Variants in NHLRC2 observed in about 807,000 individuals in gnomAD.
NHLRC2 encodes NHL repeat-containing protein 2.
A neutral mutation model predicts 68.1 loss-of-function variants in NHLRC2; 33 were observed. The observed-to-expected ratio is 0.48, with a 90% confidence interval of 0.37 to 0.65. The LOEUF is 0.65. NHLRC2 is among the 30% of genes least tolerant of loss of function. The probability of loss-of-function intolerance (pLI) is 0.00; values close to 1 mark genes in which losing one functional copy is unlikely to be tolerated. For synonymous variants in NHLRC2, 311 were observed against 309.6 expected (o/e 1.00, Z -0.05); for missense variants, 761 against 853.8 (o/e 0.89, Z 1.35).
At chr10:113,872,489 C>T (rs1845936567) in intron 2 of NHLRC2, among the ~76,000 whole-genome samples, 1 of 151,764 alleles carries the variant, frequency 6.6e-6, no homozygotes, top group Admixed American at 6.6e-5. Context: ...ATTGACAAAA[C>T]TGTAACACCT....
In NHLRC2 at chr10:113,854,995, T is replaced by A; in HGVS notation, c.123T>A (p.Tyr41Ter). 6.4e-7 allele frequency: 1 copy of A among 1,553,406 alleles called. No individual in the cohort carries two copies. Among genetic ancestry groups the A allele is most frequent in the Non-Finnish European group, 8.7e-7 (1 of 1,147,868 alleles). The change falls in exon 1 of 11, where the codon TAT (tyrosine) becomes TAA (stop). Residue 41 changes from tyrosine (Y) to a stop codon, truncating the protein, a stop_gained. Transcript: ENST00000369301. LOFTEE classifies it high-confidence loss of function. The part of the protein sequence containing the change: ...QQEKDSLVYQ[Y>*]LQKVDGWEQD... ...AGAAGGACAGCCTGGTCTACCAGTA[T>A]CTGCAGAAGGTGGACGGCTGGGAGC...
chr10:113,893,157 C>G (rs1189499894), intron 5 of NHLRC2, among the ~76,000 whole-genome samples: 1 of 152,116 alleles, frequency 6.6e-6, no homozygotes, highest in Non-Finnish European at 1.5e-5. Context: ...CCTCACTATG[C>G]ATCCCGGAGT....
rs758488530 is a variant in NHLRC2, at chr10:113,917,012, T to C, written c.*8476T>C. 1.2e-4 allele frequency: 18 copies of C among 152,322 alleles called. No homozygotes were observed. The highest frequency in any genetic ancestry group is 2.6e-4 in the Admixed American group (4 of 15,298). The allele number at this position is 152,322 out of a possible 1,614,324, so 9.4% of individuals were successfully genotyped here. ...CTTTTCAGTGACTTTTTCAAGTGCA[T>C]GTGTTAACAGAAGATTGTTTGGAAC... On this transcript the variant is annotated 3_prime_UTR_variant, in exon 11 of 11. Transcript: ENST00000369301.
rs1368483301 is a variant in NHLRC2 at position 113,854,920 on chromosome 10, C to T, written c.48C>T (p.Pro16=). 5 of 1,553,552 alleles carry T rather than the reference C, an allele frequency of 3.2e-6. No homozygotes were observed. The highest frequency in any genetic ancestry group is 1.4e-5 in the African/African-American group (1 of 73,158). Residue 16 remains proline, a synonymous_variant, in exon 1 of 11, where the codon CCC becomes CCT. Transcript: ENST00000369301. ...GRGRSLSGLL[P]AQTSLEYALL... ...GCCGCAGCCTCTCCGGCCTGCTCCC[C>T]GCGCAGACCTCGCTAGAGTACGCCC...
At chr10:113,880,622 CTT>C (rs1156509968) in intron 4 of NHLRC2, among the ~76,000 whole-genome samples, 10 of 151,786 alleles carry the variant, frequency 6.6e-5, no homozygotes, top group South Asian at 4.1e-4. Flanking sequence ...AATATTTTCA[CTT>C]ATATACACAT....
Position 113,914,292 on chromosome 10 carries a change from G to T in NHLRC2, c.*5756G>T, listed in dbSNP as rs1236127804. The T allele has an allele frequency of 1.3e-5, 2 of 152,200 alleles. No individual in the cohort carries two copies. The highest frequency in any genetic ancestry group is 4.8e-5 in the African/African-American group (2 of 41,378). The allele number at this position is 152,200 out of a possible 1,614,324, so 9.4% of individuals were successfully genotyped here. On this transcript the variant is annotated 3_prime_UTR_variant, in exon 11 of 11. Coordinates refer to ENST00000369301, the MANE Select transcript of NHLRC2 (RefSeq NM_198514.4). ...AGCAATTCTCCTGCCTCAGCCTCCT[G>T]AGTAGCTGGGATTACAGGCGTCTGC... is the stretch of plus-strand genomic sequence containing the variant.
rs541529899 is a variant in NHLRC2, at chr10:113,906,607, A to T, written c.1924+1571A>T. 2.0e-5 allele frequency among the ~76,000 whole-genome samples: 3 copies of T among 151,902 alleles called. No individual in the cohort carries two copies. In the East Asian group the frequency reaches 5.8e-4, roughly 29 times the overall value. On this transcript the variant is annotated intron_variant, in intron 10 of 10. Transcript: ENST00000369301. ...TTCACAAATTGTGTGTGTGATATAT[A>T]TGACAAATATCTAAAGAAACATTTT...
At chr10:113,898,892 C>T (rs887712053) in intron 6 of NHLRC2, among the ~76,000 whole-genome samples, 2 of 152,144 alleles carry the variant, frequency 1.3e-5, no homozygotes, top group Non-Finnish European at 2.9e-5. Flanking sequence ...ATGTGGAGAG[C>T]TTGGCATAGT....
At chr10:113,871,558 A>G (rs1002986886) in intron 2 of NHLRC2, among the ~76,000 whole-genome samples, 1 of 152,082 alleles carries the variant, frequency 6.6e-6, no homozygotes, top group African/African-American at 2.4e-5. Flanking sequence ...CTGTTTTTAT[A>G]CTACTGGAAA....
Position 113,873,215 on chromosome 10 carries a change from A to G in NHLRC2, c.332-3306A>G, listed in dbSNP as rs561824310. 7.9e-5 allele frequency among the ~76,000 whole-genome samples: 12 copies of G among 152,250 alleles called. No homozygotes were observed. The East Asian group carries it at 2.3e-3, about 29-fold the overall frequency. On this transcript the variant is annotated intron_variant, in intron 2 of 10. Coordinates refer to ENST00000369301, the MANE Select transcript of NHLRC2 (RefSeq NM_198514.4). ...AAGAATCAATCAAGGTTAAAGAAAAACAGTTTGAATGTCCCAAAACTCAGA... is the reference window on the plus strand; with the variant it reads ...AAGAATCAATCAAGGTTAAAGAAAAGCAGTTTGAATGTCCCAAAACTCAGA...
At chr10:113,892,184 C>T (rs563328338) in intron 5 of NHLRC2, among the ~76,000 whole-genome samples, 1 of 152,084 alleles carries the variant, frequency 6.6e-6, no homozygotes, top group Admixed American at 6.6e-5. Context: ...CTTAAAATGA[C>T]AGAATTTTTT....
chr10:113,885,632 A>G (rs1846074673), intron 5 of NHLRC2, among the ~76,000 whole-genome samples: 3 of 152,012 alleles, frequency 2.0e-5, no homozygotes, highest in East Asian at 1.9e-4. Context: ...GAGTTGTTCT[A>G]TAGTGCAAGT....
In NHLRC2 at chr10:113,911,286, A is replaced by G. The variant is rs1349073794; in HGVS notation, c.*2750A>G. On this transcript the variant is annotated 3_prime_UTR_variant, in exon 11 of 11. Transcript: ENST00000369301. ...ATTTCTTGATATGATTCTTGTAAAG[A>G]GTTTAGCTTATCTTGAACATTCTGT... 6.6e-6 allele frequency: 1 copy of G among 152,142 alleles called. No homozygotes were observed. Among genetic ancestry groups the G allele is most frequent in the Non-Finnish European group, 1.5e-5 (1 of 67,992 alleles). The allele number at this position is 152,142 out of a possible 1,614,324, so 9.4% of individuals were successfully genotyped here.
At chr10:113,882,115 A>C (rs193066539) in intron 4 of NHLRC2, among the ~76,000 whole-genome samples, 1 of 151,798 alleles carries the variant, frequency 6.6e-6, no homozygotes, top group East Asian at 1.9e-4. Context: ...TGTTTTGGCT[A>C]TTTTGTATAT....
intron 6 of NHLRC2, 45 bp from the exon 7 acceptor site, chr10:113,901,621 C>G (rs770773455): frequency 8.2e-7 from 1 of 1,218,104 alleles, no homozygotes; most frequent in Non-Finnish European, 1.2e-6. Context: ...AAATTGCACA[C>G]AATATACCAC....
intron 7 of NHLRC2, 122 bp from the exon 8 acceptor site, chr10:113,902,349 T>A: frequency 1.5e-6 from 1 of 658,158 alleles, no homozygotes; most frequent in Non-Finnish European, 2.6e-6. Context: ...TATATGAAAA[T>A]CAGCATTTTC....
intron 4 of NHLRC2, among the ~76,000 whole-genome samples, chr10:113,882,957 C>T (rs117362991): frequency 0.019 from 2,946 of 151,842 alleles, 40 homozygotes; most frequent in Admixed American, 0.029. Flanking sequence ...GTTCTTTCTC[C>T]CTTGAATAGC....
Position 113,884,286 on chromosome 10 carries a change from T to G in NHLRC2, c.945T>G (p.Ala315=). Residue 315 remains alanine, a synonymous_variant, in exon 5 of 11, where the codon GCT becomes GCG. Coordinates refer to ENST00000369301, the MANE Select transcript of NHLRC2 (RefSeq NM_198514.4). ...AAGCTGAGAAGGTGAGCACTGTAGC[T>G]GGTATTGGAATTCAAGGTACAGATA... ...DLEAEKVSTV[A]GIGIQGTDKE... 1 of 1,610,562 alleles carries G rather than the reference T, an allele frequency of 6.2e-7. No individual in the cohort carries two copies. The highest frequency in any genetic ancestry group is 8.5e-7 in the Non-Finnish European group (1 of 1,177,292).
In NHLRC2 at chr10:113,879,801, G is replaced by A. The variant is rs540453053; in HGVS notation, c.909+106G>A. The A allele has an allele frequency of 1.1e-3, 762 of 692,564 alleles. 4 individuals carry two copies. In the African/African-American group the frequency reaches 0.012, roughly 11 times the overall value. The allele number at this position is 692,564 out of a possible 1,614,324, so 42.9% of individuals were successfully genotyped here. A position where few individuals can be genotyped will look rare whatever the true frequency, so the allele number is the denominator to read the frequency against. ...AAGCGTGATTCTTATGTATGTCAAT[G>A]TCCTTGTTCTGCTTTTCTTGAGGTA... is the stretch of plus-strand genomic sequence containing the variant. On this transcript the variant is annotated intron_variant, in intron 4 of 10. Coordinates refer to ENST00000369301, the MANE Select transcript of NHLRC2 (RefSeq NM_198514.4).
Sources: allele counts gnomAD v4.1 joint callset (sites outside exome capture counted in the v4.1 genomes callset), GRCh38; gene constraint gnomAD v4.1.1; transcripts MANE v1.5; gene names NCBI Gene and HGNC (gene_info 2026-07-23, HGNC 2026-07-21).